The following MEMO1 variants were observed in gnomAD, a reference collection of about 807,000 sequenced individuals.
The protein encoded by MEMO1 is protein MEMO1.
MEMO1 carries 6 observed loss-of-function variants against 45.2 expected under a neutral mutation model. That is an observed-to-expected ratio of 0.13 (90% CI 0.07 to 0.26). The LOEUF (loss-of-function observed/expected upper bound fraction) is 0.26, where lower values mean the gene tolerates loss of function less well. Ranked by LOEUF, MEMO1 falls within the 10% of genes least tolerant of loss-of-function variation. The pLI is 1.00. For synonymous variants in MEMO1, 78 were observed against 124.3 expected (o/e 0.63, Z 2.48); for missense variants, 184 against 370.5 (o/e 0.50, Z 4.13).
chr2:31,913,060 C>T (rs1020901550), intron 6 of MEMO1, among the ~76,000 whole-genome samples: 6 of 151,920 alleles, frequency 3.9e-5, no homozygotes, highest in Admixed American at 2.0e-4. Context: ...GGGCGGATCA[C>T]GAGGTCAAGA....
At chr2:32,005,434 G>A (rs1263983606) in intron 2 of MEMO1, among the ~76,000 whole-genome samples, 2 of 152,232 alleles carry the variant, frequency 1.3e-5, no homozygotes, top group East Asian at 3.9e-4. Context: ...ATGGAATGGG[G>A]AGAGGGGCAT....
intron 2 of MEMO1, among the ~76,000 whole-genome samples, chr2:31,950,816 T>C (rs1407620121): frequency 6.6e-6 from 1 of 152,112 alleles, no homozygotes; most frequent in Non-Finnish European, 1.5e-5. Flanking sequence ...TCCTTGTGCT[T>C]ATAAAAAATA....
chr2:31,972,905 T>C (rs1309601649), intron 2 of MEMO1, among the ~76,000 whole-genome samples: 2 of 152,206 alleles, frequency 1.3e-5, no homozygotes, highest in African/African-American at 2.4e-5. Flanking sequence ...CATGAAAAGA[T>C]GATCATCCTT....
At position 31,869,962 on chromosome 2, in the gene MEMO1, AAAAAAAAG is replaced by A. The variant is rs748671056; in HGVS notation, c.658-18_658-11del. The A allele has an allele frequency of 6.1e-6, 9 of 1,477,498 alleles. No individual in the cohort carries two copies. In the African/African-American group the frequency reaches 1.0e-4, roughly 17 times the overall value. 91.5% of individuals were successfully genotyped at this position (1,477,498 alleles called of 1,614,324 possible). The stretch of plus-strand genomic sequence containing the variant: ...CTATAATACTCATACCCTAAAAAAA[AAAAAAAAG>A]AAGAGGAAGAAAAAAATAAAAGAAG... On this transcript the variant is annotated splice_polypyrimidine_tract_variant and intron_variant, in intron 8 of 9. Transcript: ENST00000404530.
intron 2 of MEMO1, among the ~76,000 whole-genome samples, chr2:31,989,121 G>A (rs750877290): frequency 1.3e-5 from 2 of 151,812 alleles, no homozygotes; most frequent in African/African-American, 2.4e-5. Flanking sequence ...CAGGGGAATC[G>A]CTTGAACCCA....
chr2:31,969,686 T>A (rs1669149902), intron 2 of MEMO1, among the ~76,000 whole-genome samples: 1 of 145,516 alleles, frequency 6.9e-6, no homozygotes, highest in African/African-American at 2.5e-5. Flanking sequence ...GCACAATCAC[T>A]GTAACCTCAA....
At chr2:31,969,426 T>C (rs202069594) in intron 2 of MEMO1, among the ~76,000 whole-genome samples, 14 of 50,478 alleles carry the variant, frequency 2.8e-4, no homozygotes, top group African/African-American at 7.0e-4. Flanking sequence ...TATATATACA[T>C]ATATGTGTGT....
intron 6 of MEMO1, among the ~76,000 whole-genome samples, chr2:31,898,178 AT>A (rs960574217): frequency 1.4e-4 from 21 of 150,908 alleles, no homozygotes; most frequent in African/African-American, 5.1e-4. Context: ...CCTGGATTCA[AT>A]GATTTTTTTG....
Position 31,892,049 on chromosome 2 carries a change from T to C in MEMO1, c.523A>G (p.Lys175Glu). The change falls in exon 7 of 10, where the codon AAA becomes GAA. Residue 175 changes from lysine to glutamate, a missense_variant. By Grantham distance (56) the Lys-to-Glu change is moderately conservative (BLOSUM62 1). Transcript: ENST00000404530. ...AGATTACTAGGATCCGCTAGATATTTACTGAAGAGTTTTCCGAATTCCTGT... is the reference window on the plus strand; with the variant it reads ...AGATTACTAGGATCCGCTAGATATTCACTGAAGAGTTTTCCGAATTCCTGT... The part of the protein sequence containing the change: ...KEQEFGKLFS[K>E]YLADPSNLFV... 1 of 1,612,874 alleles carries C rather than the reference T, an allele frequency of 6.2e-7. No homozygotes were observed. Among genetic ancestry groups the C allele is most frequent in the South Asian group, 1.1e-5 (1 of 91,000 alleles).
At chr2:31,871,635 T>G (rs372191262) in intron 8 of MEMO1, among the ~76,000 whole-genome samples, 9 of 152,260 alleles carry the variant, frequency 5.9e-5, no homozygotes, top group African/African-American at 1.9e-4. Flanking sequence ...AAGTTGGTTG[T>G]CCCCTGCCAA....
intron 5 of MEMO1, among the ~76,000 whole-genome samples, chr2:31,919,636 T>C (rs958432009): frequency 2.6e-5 from 4 of 151,754 alleles, no homozygotes; most frequent in African/African-American, 4.8e-5. Flanking sequence ...CTGGGCAACA[T>C]AGCAAGACCC....
chr2:31,979,948 C>G (rs906823054), intron 2 of MEMO1, among the ~76,000 whole-genome samples: 1 of 146,764 alleles, frequency 6.8e-6, no homozygotes, highest in Non-Finnish European at 1.5e-5. Flanking sequence ...ATTAATATAA[C>G]AGATAATGGA....
At chr2:31,882,457 A>G (rs191737112) in intron 8 of MEMO1, among the ~76,000 whole-genome samples, 1 of 152,332 alleles carries the variant, frequency 6.6e-6, no homozygotes, top group East Asian at 1.9e-4. Flanking sequence ...ATGTGAGTTT[A>G]TTATGTTTAA....
At chr2:31,996,798 A>T (rs920192681) in intron 2 of MEMO1, among the ~76,000 whole-genome samples, 1 of 152,134 alleles carries the variant, frequency 6.6e-6, no homozygotes, top group Admixed American at 6.6e-5. Context: ...TCGTGTAATC[A>T]TAGCTCAATG....
chr2:31,986,879 A>G (rs1671324712), intron 2 of MEMO1, among the ~76,000 whole-genome samples: 1 of 152,228 alleles, frequency 6.6e-6, no homozygotes, highest in South Asian at 2.1e-4. Context: ...TGTTATTTGA[A>G]GGATAAGAAA....
intron 2 of MEMO1, among the ~76,000 whole-genome samples, chr2:31,996,498 C>A (rs552970736): frequency 2.0e-5 from 3 of 151,666 alleles, no homozygotes; most frequent in African/African-American, 7.3e-5. Flanking sequence ...GAGCTGAGAT[C>A]GTGCCACTGC....
At chr2:31,927,473 C>G (rs969889640) in intron 4 of MEMO1, among the ~76,000 whole-genome samples, 3 of 152,106 alleles carry the variant, frequency 2.0e-5, no homozygotes, top group African/African-American at 7.2e-5. Flanking sequence ...TCTTCCTTTT[C>G]TAACTACATA....
rs571856456 is a variant in MEMO1, at chr2:31,874,809, T to C, written c.658-4857A>G. On this transcript the variant is annotated intron_variant, in intron 8 of 9. Transcript: ENST00000404530. Reference sequence around the variant, plus strand: ...ATTGGTTCTCAAATGATTTAAATTATTTATAATATAAAATAATCTCTTAGA... The same window carrying C: ...ATTGGTTCTCAAATGATTTAAATTACTTATAATATAAAATAATCTCTTAGA... Among the ~76,000 whole-genome samples the C allele has an allele frequency of 6.2e-4, 95 of 152,022 alleles. 1 individual carries two copies. The South Asian group carries it at 0.016, about 26-fold the overall frequency.
intron 2 of MEMO1, among the ~76,000 whole-genome samples, chr2:31,971,564 T>TA (rs1363698964): frequency 1.3e-5 from 2 of 152,022 alleles, no homozygotes; most frequent in Admixed American, 6.6e-5. Context: ...TTTTTAGAGA[T>TA]AGAGTCTTGC....
Sources: allele counts gnomAD v4.1 joint callset (sites outside exome capture counted in the v4.1 genomes callset), GRCh38; gene constraint gnomAD v4.1.1; transcripts MANE v1.5; gene names NCBI Gene and HGNC (gene_info 2026-07-23, HGNC 2026-07-21).